The following DEPDC1 variants were observed in gnomAD, a reference collection of about 807,000 sequenced individuals.
The protein encoded by DEPDC1 is DEP domain-containing protein 1A.
In DEPDC1, 66 loss-of-function variants were observed where a neutral mutation model predicts 86.8. The ratio of observed to expected loss-of-function variants is 0.76; its 90% CI spans 0.62 to 0.93. The LOEUF (loss-of-function observed/expected upper bound fraction) is 0.93. DEPDC1 is among the 40% of genes least tolerant of loss of function. The probability of loss-of-function intolerance (pLI) is 0.00; values close to 1 mark genes in which losing one functional copy is unlikely to be tolerated. For synonymous variants in DEPDC1, 255 were observed against 314.9 expected, an observed-to-expected ratio of 0.81 and a Z score of 2.02; for missense variants, 792 against 935.7, an observed-to-expected ratio of 0.85 and a Z score of 2.00.
chr1:68,496,899 G>C lies in DEPDC1; in HGVS notation c.48+53C>G. ...AACGGTCGAGGTAAAACTGCGAACA[G>C]TGGTGACTGCCGTCAGCCCGCTGAC... On this transcript the variant is annotated intron_variant, in intron 1 of 11. Transcript: ENST00000456315. The surrounding 1 kb of genome is among the most constrained non-coding windows in gnomAD (Gnocchi z 4.0). 2 of 1,586,398 alleles carry C rather than the reference G, an allele frequency of 1.3e-6. No individual in the cohort carries two copies.
chr1:68,494,515 T>A lies in DEPDC1; in HGVS notation c.229A>T (p.Arg77Trp). The change falls in exon 2 of 12, where the codon AGG becomes TGG. Residue 77 changes from arginine (R) to tryptophan (W), a missense_variant. Arg to Trp is a moderately radical substitution (Grantham distance 101). Coordinates refer to ENST00000456315, the MANE Select transcript of DEPDC1 (RefSeq NM_001114120.3). ...ATTACATGATTCTTAAGAAATTTCC[T>A]CAACAGTTGGATAGTCTGTTGCCTT... ...VTRQQTIQLL[R>W]KFLKNHVIED... The A allele has an allele frequency of 6.2e-7, 1 of 1,613,768 alleles. No individual in the cohort carries two copies. The highest frequency in any genetic ancestry group is 8.5e-7 in the Non-Finnish European group (1 of 1,179,764).
chr1:68,489,411 T>A, intron 3 of DEPDC1, 41 bp downstream of exon 3: 5 of 1,318,758 alleles, frequency 3.8e-6, no homozygotes, highest in Non-Finnish European at 5.1e-6. Flanking sequence ...GAGTACATCA[T>A]AATTATATTT....
intron 4 of DEPDC1, 143 bp downstream of exon 4, chr1:68,488,773 T>G (rs1315330002): frequency 1.4e-6 from 1 of 692,220 alleles, no homozygotes; most frequent in African/African-American, 1.8e-5. Context: ...ATAACAAGAG[T>G]ATTTATTTAA....
In DEPDC1 at chr1:68,496,860, G is replaced by T; in HGVS notation, c.48+92C>A. On this transcript the variant is annotated intron_variant, in intron 1 of 11. Transcript: ENST00000456315. This position sits in a 1 kb window ranked among gnomAD's most constrained non-coding sequence, Gnocchi z 4.0. ...GATCCTGGGACTCATCCCTCCGACC[G>T]AGGTAAAACTGCGAACGGTCGAGGT... 1.5e-6 allele frequency: 2 copies of T among 1,313,690 alleles called. No individual in the cohort carries two copies. The highest frequency in any genetic ancestry group is 2.2e-6 in the Non-Finnish European group (2 of 923,984). The allele number at this position is 1,313,690 out of a possible 1,614,324, so 81.4% of individuals were successfully genotyped here.
chr1:68,488,606 C>A, intron 4 of DEPDC1, 102 bp from the exon 5 acceptor site: 1 of 1,028,676 alleles, frequency 9.7e-7, no homozygotes, highest in Non-Finnish European at 1.4e-6. Context: ...TTTTTTTAAC[C>A]AAATTTCTAA....
chr1:68,483,777 T>C (rs1557619098), intron 7 of DEPDC1, among the ~76,000 whole-genome samples, 173 bp downstream of exon 7: 1 of 152,048 alleles, frequency 6.6e-6, no homozygotes, highest in Non-Finnish European at 1.5e-5. Context: ...AAGTCCCGAA[T>C]TGGTAGTTGG....
intron 9 of DEPDC1, among the ~76,000 whole-genome samples, chr1:68,480,057 C>G (rs553549917): frequency 9.9e-5 from 15 of 152,074 alleles, no homozygotes; most frequent in African/African-American, 3.6e-4. Flanking sequence ...GGTTGCAAAG[C>G]TGATGCCATT....
intron 2 of DEPDC1, among the ~76,000 whole-genome samples, chr1:68,492,701 G>C (rs1557623051): frequency 6.6e-6 from 1 of 152,146 alleles, no homozygotes; most frequent in South Asian, 2.1e-4. Context: ...TAAAACAAAA[G>C]CAAAACAAAT....
At chr1:68,478,113 T>C in intron 10 of DEPDC1, 141 bp from the exon 11 acceptor site, 1 of 503,310 alleles carries the variant, frequency 2.0e-6, no homozygotes. Flanking sequence ...TATTATGCAG[T>C]AGAGGTATGT....
Position 68,496,745 on chromosome 1 carries a change from G to T in DEPDC1, c.48+207C>A. The T allele has an allele frequency of 1.9e-6, 1 of 526,288 alleles. No individual in the cohort carries two copies. Among genetic ancestry groups the T allele is most frequent in the Non-Finnish European group, 3.4e-6 (1 of 295,252 alleles). The allele number at this position is 526,288 out of a possible 1,614,324, so 32.6% of individuals were successfully genotyped here. A position where few individuals can be genotyped will look rare whatever the true frequency, so the allele number is the denominator to read the frequency against. ...CGCGGCGCTTCCTTTCGGACCTGAG[G>T]CCCAGACCCTCAAAATAGAGGGAGC... On this transcript the variant is annotated intron_variant, in intron 1 of 11. Coordinates refer to ENST00000456315, the MANE Select transcript of DEPDC1 (RefSeq NM_001114120.3). The surrounding 1 kb of genome is among the most constrained non-coding windows in gnomAD (Gnocchi z 4.0).
chr1:68,491,240 C>T (rs919756453), intron 2 of DEPDC1, among the ~76,000 whole-genome samples: 1 of 152,154 alleles, frequency 6.6e-6, no homozygotes, highest in African/African-American at 2.4e-5. Flanking sequence ...ATGGAGTCAA[C>T]AGACAACCTA....
chr1:68,480,617 A>G (rs147793817), intron 9 of DEPDC1, among the ~76,000 whole-genome samples: 4 of 152,100 alleles, frequency 2.6e-5, no homozygotes, highest in African/African-American at 4.8e-5. Flanking sequence ...TATGACTTCA[A>G]ATCTTAAAAG....
intron 6 of DEPDC1, among the ~76,000 whole-genome samples, chr1:68,486,285 G>A (rs1646192183): frequency 1.3e-5 from 2 of 151,910 alleles, no homozygotes; most frequent in Admixed American, 1.3e-4. Context: ...GTTTAAAAGT[G>A]CGTACCACCT....
At position 68,483,902 on chromosome 1, in the gene DEPDC1, T is replaced by G. The variant is rs376123626; in HGVS notation, c.910+48A>C. ...TTAGATCTTCTAAATTATAAGAAAGTTGAAAACTTTAACAAAATGAACTAA... is the reference window on the plus strand; with the variant it reads ...TTAGATCTTCTAAATTATAAGAAAGGTGAAAACTTTAACAAAATGAACTAA... On this transcript the variant is annotated intron_variant, in intron 7 of 11. Coordinates refer to ENST00000456315, the MANE Select transcript of DEPDC1 (RefSeq NM_001114120.3). The G allele has an allele frequency of 1.3e-5, 16 of 1,202,854 alleles. No individual in the cohort carries two copies. In the African/African-American group the frequency reaches 1.9e-4, roughly 14 times the overall value. 74.5% of individuals were successfully genotyped at this position (1,202,854 alleles called of 1,614,324 possible).
intron 6 of DEPDC1, among the ~76,000 whole-genome samples, chr1:68,486,068 A>G (rs1007769506): frequency 9.9e-5 from 15 of 152,122 alleles, no homozygotes; most frequent in African/African-American, 3.6e-4. Context: ...ACTGATCACT[A>G]CGAAAAGCTT....
intron 6 of DEPDC1, 102 bp from the exon 7 acceptor site, chr1:68,484,192 G>C: frequency 1.1e-6 from 1 of 874,254 alleles, no homozygotes; most frequent in South Asian, 2.4e-5. Flanking sequence ...AAGGAGCTAG[G>C]TTTAACAACA....
At chr1:68,479,699 A>G (rs946925748) in intron 9 of DEPDC1, among the ~76,000 whole-genome samples, 1 of 151,736 alleles carries the variant, frequency 6.6e-6, no homozygotes. Context: ...GCTACTTGGG[A>G]GAGTGAGGCA....
rs574190799 is a variant in DEPDC1, at chr1:68,477,778, T to C, written c.2298+9A>G. 2.7e-6 allele frequency: 4 copies of C among 1,474,940 alleles called. No individual in the cohort carries two copies. In the African/African-American group the frequency reaches 5.6e-5, roughly 21 times the overall value. 91.4% of individuals were successfully genotyped at this position (1,474,940 alleles called of 1,614,324 possible). A position where few individuals can be genotyped will look rare whatever the true frequency, so the allele number is the denominator to read the frequency against. On this transcript the variant is annotated intron_variant, in intron 11 of 11. Transcript: ENST00000456315. ...GTTTACATGATTGAGAACTTGCTCATTCTCTTACCTGTTTTAGTTTTTTTC... is the reference window on the plus strand; with the variant it reads ...GTTTACATGATTGAGAACTTGCTCACTCTCTTACCTGTTTTAGTTTTTTTC...
At chr1:68,487,577 A>G (rs1267854136) in intron 5 of DEPDC1, among the ~76,000 whole-genome samples, 2 of 152,012 alleles carry the variant, frequency 1.3e-5, no homozygotes, top group East Asian at 3.9e-4. Flanking sequence ...AGGTAATGGA[A>G]GAAGGGACTG....
Sources: allele counts gnomAD v4.1 joint callset (sites outside exome capture counted in the v4.1 genomes callset), GRCh38; gene constraint gnomAD v4.1.1; non-coding constraint Gnocchi (gnomAD v3.1); transcripts MANE v1.5; gene names NCBI Gene and HGNC (gene_info 2026-07-23, HGNC 2026-07-21).